Variants in GSE1 observed in about 807,000 individuals in gnomAD.
GSE1 encodes genetic suppressor element 1.
GSE1 carries 32 observed loss-of-function variants against 112.6 expected under a neutral mutation model. That is an observed-to-expected ratio of 0.28 (90% CI 0.21 to 0.38). The LOEUF is 0.38. Among genes scored for constraint, GSE1 ranks in the 10% least tolerant of loss-of-function variants. The pLI is 1.00. For synonymous variants in GSE1, 1,115 were observed against 735.6 expected (o/e 1.52, Z -8.35); for missense variants, 2,348 against 1,699.2 (o/e 1.38, Z -6.71).
At chr16:85,428,281 G>T (rs1214013463) in intron 2 of GSE1, among the ~76,000 whole-genome samples, 1 of 152,204 alleles carries the variant, frequency 6.6e-6, no homozygotes, top group African/African-American at 2.4e-5. Context: ...CACCACCCAG[G>T]ATTCCCTCGT....
intron 1 of GSE1, among the ~76,000 whole-genome samples, chr16:85,181,784 C>T (rs1431958544): frequency 6.6e-6 from 1 of 152,186 alleles, no homozygotes; most frequent in Non-Finnish European, 1.5e-5. Flanking sequence ...TCCTGGGGTC[C>T]AGACCCAGCA....
chr16:85,650,769 G>C (rs1305480203), intron 3 of GSE1, among the ~76,000 whole-genome samples: 8 of 152,128 alleles, frequency 5.3e-5, no homozygotes, highest in Non-Finnish European at 1.2e-4. Flanking sequence ...TCCTCTCGGA[G>C]TGGGGAGGCA....
chr16:85,500,660 C>T (rs1157333571), intron 2 of GSE1, among the ~76,000 whole-genome samples: 1 of 152,208 alleles, frequency 6.6e-6, no homozygotes, highest in African/African-American at 2.4e-5. Flanking sequence ...TCCATGTCAC[C>T]CTTCCTCCTC....
At chr16:85,214,701 C>G (rs2075280920) in intron 1 of GSE1, among the ~76,000 whole-genome samples, 2 of 152,216 alleles carry the variant, frequency 1.3e-5, no homozygotes, top group Non-Finnish European at 2.9e-5. Context: ...CCCGCCCGGT[C>G]CCCTCTCACA....
intron 2 of GSE1, among the ~76,000 whole-genome samples, chr16:85,643,874 C>T (rs1050401631): frequency 3.3e-5 from 5 of 151,908 alleles, no homozygotes; most frequent in African/African-American, 7.3e-5. Context: ...GAGCTCTTGG[C>T]AGCCTCTGCC....
intron 2 of GSE1, among the ~76,000 whole-genome samples, chr16:85,409,545 T>C (rs1416268417): frequency 1.5e-4 from 1 of 6,820 alleles, no homozygotes; most frequent in African/African-American, 1.7e-4. Context: ...TCAGGGCACC[T>C]GGATAATCCT....
In GSE1 at chr16:85,246,327, ACACACC is replaced by A. The variant is rs1265024970; in HGVS notation, c.2283+74522_2283+74527del. Among the ~76,000 whole-genome samples the A allele has an allele frequency of 5.0e-3, 420 of 83,398 alleles. 18 individuals are homozygous for A. Among genetic ancestry groups the A allele is most frequent in the Middle Eastern group, 0.017 (3 of 172 alleles). 54.7% of individuals were successfully genotyped at this position (83,398 alleles called of 152,430 possible). A position where few individuals can be genotyped will look rare whatever the true frequency, so the allele number is the denominator to read the frequency against. On this transcript the variant is annotated intron_variant, in intron 1 of 2. Coordinates refer to the GSE1 transcript ENST00000637419. ...ACGCTGTCTACACACACACACACAC[ACACACC>A]CCCCACACGCTGTCTACACACACAC... is the stretch of plus-strand genomic sequence containing the variant.
intron 1 of GSE1, among the ~76,000 whole-genome samples, chr16:85,618,961 G>C (rs1400552422): frequency 6.6e-6 from 1 of 152,242 alleles, no homozygotes; most frequent in African/African-American, 2.4e-5. Flanking sequence ...ACTGTGTCCA[G>C]CTTGGCTTTA....
At chr16:85,291,594 G>A (rs868209013) in intron 1 of GSE1, among the ~76,000 whole-genome samples, 1 of 152,192 alleles carries the variant, frequency 6.6e-6, no homozygotes, top group Non-Finnish European at 1.5e-5. Context: ...TGTGGCCACC[G>A]CCTGGTAAGG....
chr16:85,647,250 G>T (rs912508932), intron 2 of GSE1, among the ~76,000 whole-genome samples: 1 of 152,132 alleles, frequency 6.6e-6, no homozygotes, highest in Admixed American at 6.5e-5. Flanking sequence ...CCTCCTGCCT[G>T]CCCTGCACCC....
At chr16:85,369,357 C>T (rs2047248003) in intron 2 of GSE1, among the ~76,000 whole-genome samples, 1 of 151,994 alleles carries the variant, frequency 6.6e-6, no homozygotes, top group Non-Finnish European at 1.5e-5. Flanking sequence ...GCTGGGATTA[C>T]AGACATGCGA....
intron 2 of GSE1, among the ~76,000 whole-genome samples, chr16:85,485,107 C>T (rs1174916664): frequency 6.6e-6 from 1 of 152,216 alleles, no homozygotes; most frequent in African/African-American, 2.4e-5. Context: ...CAGACAAAAG[C>T]AGGATTTATG....
chr16:85,425,962 A>G (rs770295735), intron 2 of GSE1, among the ~76,000 whole-genome samples: 1 of 152,160 alleles, frequency 6.6e-6, no homozygotes, highest in Non-Finnish European at 1.5e-5. Context: ...CCGGGATTCA[A>G]ACTTTAGACA....
intron 14 of GSE1, among the ~76,000 whole-genome samples, chr16:85,669,145 C>G (rs1329495102): frequency 1.3e-5 from 2 of 152,230 alleles, no homozygotes; most frequent in African/African-American, 4.8e-5. Flanking sequence ...CTCAGTTTCC[C>G]TAGGATATTG....
At chr16:85,480,648 A>G (rs548107069) in intron 2 of GSE1, among the ~76,000 whole-genome samples, 3 of 152,166 alleles carry the variant, frequency 2.0e-5, no homozygotes, top group East Asian at 1.9e-4. Context: ...GAGACAGAGC[A>G]GGGACAATCC....
chr16:85,636,329 G>C (rs1242521996), intron 2 of GSE1, among the ~76,000 whole-genome samples: 1 of 152,222 alleles, frequency 6.6e-6, no homozygotes, highest in Non-Finnish European at 1.5e-5. Flanking sequence ...GTGGGGCTCG[G>C]AGTCTGCGGA....
intron 1 of GSE1, among the ~76,000 whole-genome samples, chr16:85,325,812 A>G (rs2046215591): frequency 6.8e-6 from 1 of 148,116 alleles, no homozygotes; most frequent in Non-Finnish European, 1.5e-5. Context: ...GCTGGAATGC[A>G]GTGGCACGAT....
intron 7 of GSE1, 62 bp from the exon 8 acceptor site, chr16:85,657,215 C>T (rs912782395): frequency 4.3e-5 from 50 of 1,166,476 alleles, no homozygotes; most frequent in East Asian, 1.8e-4. Context: ...TGAGAGAGGA[C>T]GGGGAGGGAG....
upstream of GSE1, chr16:85,554,765 C>A: frequency 3.8e-6 from 2 of 519,754 alleles, no homozygotes; most frequent in East Asian, 2.0e-4. Flanking sequence ...GCTCCCGCAG[C>A]TGTCAGTCGT....
Sources: allele counts gnomAD v4.1 joint callset (sites outside exome capture counted in the v4.1 genomes callset), GRCh38; gene constraint gnomAD v4.1.1; transcripts MANE v1.5; gene names NCBI Gene and HGNC (gene_info 2026-07-23, HGNC 2026-07-21).